Variants in ART1 observed in about 807,000 individuals in gnomAD.
ART1 encodes ADP-ribosyltransferase 1, also known as GPI-linked NAD(P)(+)--arginine ADP-ribosyltransferase 1.
A neutral mutation model predicts 27.0 loss-of-function variants in ART1; 29 were observed. The observed-to-expected ratio is 1.08, with a 90% CI of 0.80 to 1.47. The LOEUF is 1.47. Among genes scored for constraint, ART1 ranks in the 40% most tolerant of loss-of-function variants. The probability of loss-of-function intolerance (pLI) is 0.00; values close to 1 mark genes in which losing one functional copy is unlikely to be tolerated. For missense variants in ART1, 480 were observed against 423.0 expected, an observed-to-expected ratio of 1.13 and a Z score of -1.18; for synonymous variants, 201 against 172.2, an observed-to-expected ratio of 1.17 and a Z score of -1.31.
chr11:3,659,447 G>A (rs898897517), intron 2 of ART1, 136 bp from the exon 3 acceptor site: 4 of 1,357,508 alleles, frequency 2.9e-6, no homozygotes, highest in Non-Finnish European at 2.0e-6. Context: ...TACAGCCAGA[G>A]GTTCCCAATC....
chr11:3,657,700 G>A lies in ART1; in HGVS notation c.-52-1462G>A, dbSNP rs144939989. Among the ~76,000 whole-genome samples the A allele has an allele frequency of 4.0e-3, 612 of 152,274 alleles. 5 individuals are homozygous for A. Among genetic ancestry groups the A allele is most frequent in the Middle Eastern group, 0.027 (8 of 294 alleles). ...CACTCTCATCCATTGTTGGTGGGGTGGCAGTTTCTGTCAAAATAAAAAATA... is the reference window on the plus strand; with the variant it reads ...CACTCTCATCCATTGTTGGTGGGGTAGCAGTTTCTGTCAAAATAAAAAATA... On this transcript the variant is annotated intron_variant, in intron 1 of 4. Coordinates refer to ENST00000250693, the MANE Select transcript of ART1 (RefSeq NM_004314.3).
intron 1 of ART1, among the ~76,000 whole-genome samples, chr11:3,648,847 G>A (rs555740808): frequency 1.8e-4 from 27 of 150,804 alleles, no homozygotes; most frequent in African/African-American, 6.3e-4. Flanking sequence ...CTGGGGGAGG[G>A]GCAAAAACTC....
At chr11:3,651,935 G>A (rs1003986224) in intron 1 of ART1, among the ~76,000 whole-genome samples, 5 of 149,800 alleles carry the variant, frequency 3.3e-5, no homozygotes, top group African/African-American at 1.3e-4. Context: ...GCTCCACCAG[G>A]CTTAATCGCC....
At chr11:3,654,904 A>T (rs1169388422) in intron 1 of ART1, among the ~76,000 whole-genome samples, 2 of 151,252 alleles carry the variant, frequency 1.3e-5, no homozygotes, top group African/African-American at 4.8e-5. Context: ...TATCTTGTTT[A>T]TTGTAGAGCA....
chr11:3,651,552 C>A (rs555620528), intron 1 of ART1, among the ~76,000 whole-genome samples: 4 of 149,206 alleles, frequency 2.7e-5, no homozygotes, highest in African/African-American at 1.0e-4. Context: ...CTTGCCCTTA[C>A]GTTTTAGCCT....
chr11:3,651,557 TA>T (rs1487386573), intron 1 of ART1, among the ~76,000 whole-genome samples: 2 of 150,576 alleles, frequency 1.3e-5, no homozygotes, highest in African/African-American at 5.0e-5. Context: ...CCTTACGTTT[TA>T]GCCTAGCCCT....
At chr11:3,655,320 C>T (rs2077564281) in intron 1 of ART1, among the ~76,000 whole-genome samples, 1 of 116,324 alleles carries the variant, frequency 8.6e-6, no homozygotes, top group South Asian at 2.5e-4. Flanking sequence ...CAGGGAGCGG[C>T]AAAGTCAGAC....
chr11:3,659,634 C>G lies in ART1; in HGVS notation c.115C>G (p.Leu39Val). The stretch of plus-strand genomic sequence containing the variant: ...AGACCTCTTCTCTCAAGAGATTCAG[C>G]TGGACATGGCCCTGGCCTCCTTTGA... ...RRDLFSQEIQ[L>V]DMALASFDDQ... The change falls in exon 3 of 5, where the codon CTG becomes GTG. Residue 39 changes from leucine (L) to valine (V), a missense_variant. Coordinates refer to ENST00000250693, the MANE Select transcript of ART1 (RefSeq NM_004314.3). 2 of 1,613,098 alleles carry G rather than the reference C, an allele frequency of 1.2e-6. No individual in the cohort carries two copies. Among genetic ancestry groups the G allele is most frequent in the Non-Finnish European group, 1.7e-6 (2 of 1,179,818 alleles).
chr11:3,652,198 C>A (rs999717933), intron 1 of ART1, among the ~76,000 whole-genome samples: 6 of 150,770 alleles, frequency 4.0e-5, no homozygotes, highest in Admixed American at 4.0e-4. Context: ...AACTAAAATA[C>A]CTCTTAGTCT....
At chr11:3,663,089 A>ATCATG (rs1554883235) in intron 4 of ART1, among the ~76,000 whole-genome samples, 5 of 87,028 alleles carry the variant, frequency 5.7e-5, no homozygotes, top group African/African-American at 2.2e-4. Flanking sequence ...ATCTCATCTC[A>ATCATG]TCATCTCATC....
At chr11:3,645,346 G>C (rs933828235) in intron 1 of ART1, among the ~76,000 whole-genome samples, 167 bp downstream of exon 1, 1 of 152,162 alleles carries the variant, frequency 6.6e-6, no homozygotes, top group South Asian at 2.1e-4. Context: ...GGAAGTTTGG[G>C]ATTCCTGTGG....
intron 1 of ART1, among the ~76,000 whole-genome samples, chr11:3,656,993 T>G (rs1352431717): frequency 6.6e-6 from 1 of 152,214 alleles, no homozygotes; most frequent in Non-Finnish European, 1.5e-5. Flanking sequence ...AATTGTGTAT[T>G]GGCAATTATA....
At chr11:3,650,971 T>C (rs57032385) in intron 1 of ART1, among the ~76,000 whole-genome samples, 104,468 of 146,866 alleles carry the variant, frequency 0.71, 37,713 homozygotes, top group Admixed American at 0.84. Context: ...AGCCTGTTAT[T>C]ACTTGCCTGT....
intron 1 of ART1, among the ~76,000 whole-genome samples, chr11:3,655,344 G>C (rs1275046243): frequency 1.3e-5 from 2 of 152,184 alleles, no homozygotes; most frequent in Admixed American, 1.3e-4. Context: ...GAAGAGAAAA[G>C]CAGCCAATTA....
At chr11:3,652,686 T>C (rs1053485504) in intron 1 of ART1, among the ~76,000 whole-genome samples, 2 of 151,874 alleles carry the variant, frequency 1.3e-5, no homozygotes, top group African/African-American at 4.9e-5. Flanking sequence ...CTATCTTCTG[T>C]CTAGTCATAC....
chr11:3,655,540 A>G (rs2077567048), intron 1 of ART1: 1 of 152,238 alleles, frequency 6.6e-6, no homozygotes, highest in Non-Finnish European at 1.5e-5. Context: ...AGAGACAGAA[A>G]AATGTGAGCC....
chr11:3,652,947 T>C (rs2077536981), intron 1 of ART1, among the ~76,000 whole-genome samples: 1 of 148,858 alleles, frequency 6.7e-6, no homozygotes. Flanking sequence ...CCTTCTCTTA[T>C]TCCATTTAGT....
intron 1 of ART1, among the ~76,000 whole-genome samples, chr11:3,657,016 T>C (rs1589922676): frequency 6.6e-6 from 1 of 152,252 alleles, no homozygotes; most frequent in East Asian, 1.9e-4. Flanking sequence ...ATCTTAGATT[T>C]GAAGATTAAT....
chr11:3,661,279 G>C, intron 3 of ART1, 93 bp from the exon 4 acceptor site: 1 of 1,204,342 alleles, frequency 8.3e-7, no homozygotes, highest in Non-Finnish European at 1.2e-6. Context: ...ACTTCTCCTA[G>C]AACAAGTCAG....
Sources: allele counts gnomAD v4.1 joint callset (sites outside exome capture counted in the v4.1 genomes callset), GRCh38; gene constraint gnomAD v4.1.1; transcripts MANE v1.5; gene names NCBI Gene and HGNC (gene_info 2026-07-23, HGNC 2026-07-21).